Variants in DARS1 observed in about 807,000 individuals in gnomAD.
The protein encoded by DARS1 is aspartyl-tRNA synthetase 1.
Under a neutral mutation model 68.8 loss-of-function variants are expected in DARS1, and 51 were observed. The observed-to-expected ratio is 0.74, with a 90% CI of 0.59 to 0.94. DARS1 has a LOEUF of 0.94. Ranked by LOEUF, DARS1 falls within the 40% of genes least tolerant of loss-of-function variation. The pLI is 0.00. For missense variants in DARS1, 607 were observed against 597.3 expected (o/e 1.02, Z -0.17); for synonymous variants, 203 against 190.4 (o/e 1.07, Z -0.55).
At chr2:135,963,055 C>T (rs1682134609) in intron 3 of DARS1, among the ~76,000 whole-genome samples, 1 of 152,118 alleles carries the variant, frequency 6.6e-6, no homozygotes, top group Non-Finnish European at 1.5e-5. Flanking sequence ...TACACAAAGA[C>T]CCTGGAGAAA....
intron 5 of DARS1, among the ~76,000 whole-genome samples, chr2:135,940,206 A>G (rs1681565319): frequency 6.6e-6 from 1 of 152,218 alleles, no homozygotes; most frequent in Non-Finnish European, 1.5e-5. Flanking sequence ...ACATAACAAA[A>G]AAAAGAGAAT....
chr2:135,913,673 G>T (rs376658208), intron 12 of DARS1, among the ~76,000 whole-genome samples: 1 of 151,868 alleles, frequency 6.6e-6, no homozygotes, highest in Non-Finnish European at 1.5e-5. Flanking sequence ...CAGGAGAATC[G>T]CTTGAACCCA....
At chr2:135,927,176 C>T (rs1246232023) in intron 7 of DARS1, among the ~76,000 whole-genome samples, 2 of 151,970 alleles carry the variant, frequency 1.3e-5, no homozygotes, top group African/African-American at 2.4e-5. Flanking sequence ...AAGAATTTGA[C>T]GGTTAAGGTA....
chr2:135,983,341 G>T, intron 2 of DARS1, 56 bp downstream of exon 2: 1 of 788,350 alleles, frequency 1.3e-6, no homozygotes, highest in South Asian at 1.5e-5. Context: ...TTCATTTAGA[G>T]CTTTCCTGGA....
At chr2:135,911,664 C>G in intron 13 of DARS1, 171 bp from the exon 14 acceptor site, 1 of 521,556 alleles carries the variant, frequency 1.9e-6, no homozygotes, top group Non-Finnish European at 3.4e-6. Flanking sequence ...ATAACTTTTT[C>G]TTTGTTTATA....
chr2:135,941,771 G>A (rs1681603045), intron 5 of DARS1, among the ~76,000 whole-genome samples: 1 of 152,016 alleles, frequency 6.6e-6, no homozygotes, highest in African/African-American at 2.4e-5. Context: ...CTGACAAAGG[G>A]CTAATATTCA....
intron 15 of DARS1, among the ~76,000 whole-genome samples, chr2:135,909,107 G>A (rs536380491): frequency 2.2e-4 from 32 of 144,664 alleles, no homozygotes; most frequent in African/African-American, 7.5e-4. Flanking sequence ...CACAGGGAGG[G>A]GAACAATACA....
chr2:135,914,208 G>T (rs1254606499), intron 12 of DARS1, among the ~76,000 whole-genome samples: 5 of 152,092 alleles, frequency 3.3e-5, no homozygotes, highest in Non-Finnish European at 5.9e-5. Flanking sequence ...TCCGACATAG[G>T]TATCACTTTT....
chr2:135,933,885 A>C (rs1331769210), intron 6 of DARS1, 25 bp downstream of exon 6: 1 of 1,605,918 alleles, frequency 6.2e-7, no homozygotes, highest in African/African-American at 1.3e-5. Flanking sequence ...GCGGAAGCAT[A>C]ATATTTCATA....
chr2:135,924,138 T>C (rs1015654308), intron 8 of DARS1, among the ~76,000 whole-genome samples: 1 of 152,232 alleles, frequency 6.6e-6, no homozygotes, highest in African/African-American at 2.4e-5. Flanking sequence ...ACAAGAATCT[T>C]GCTTTGTGTG....
At position 135,979,369 on chromosome 2, in the gene DARS1, G is replaced by C. The variant is rs750451892; in HGVS notation, c.125-3C>G. The C allele has an allele frequency of 1.7e-6, 2 of 1,147,622 alleles. No homozygotes were observed. 71.1% of individuals were successfully genotyped at this position (1,147,622 alleles called of 1,614,324 possible). ...TCTAACCCGAACCAAAACTCGATCT[G>C]TAATAACAGTAAACGATTTTTATAT... is the stretch of plus-strand genomic sequence containing the variant. On this transcript the variant is annotated splice_polypyrimidine_tract_variant and splice_region_variant and intron_variant, in intron 2 of 15. Transcript: ENST00000264161.
At chr2:135,935,389 G>T (rs1309624430) in intron 5 of DARS1, among the ~76,000 whole-genome samples, 1 of 151,750 alleles carries the variant, frequency 6.6e-6, no homozygotes, top group African/African-American at 2.4e-5. Context: ...GAGGTCAGGA[G>T]ATCGAGACCA....
At chr2:135,929,298 GCC>G (rs1194833378) in intron 7 of DARS1, among the ~76,000 whole-genome samples, 1 of 152,116 alleles carries the variant, frequency 6.6e-6, no homozygotes, top group Non-Finnish European at 1.5e-5. Context: ...TCTCATGGCA[GCC>G]CCGAGTCCCC....
chr2:135,955,718 G>A (rs559374981), intron 4 of DARS1, among the ~76,000 whole-genome samples: 4 of 112,290 alleles, frequency 3.6e-5, no homozygotes, highest in African/African-American at 1.1e-4. Context: ...ACAGGGTCTC[G>A]CTCTGTCACA....
intron 5 of DARS1, among the ~76,000 whole-genome samples, chr2:135,938,457 G>A (rs1246678324): frequency 3.3e-5 from 5 of 152,098 alleles, no homozygotes; most frequent in Admixed American, 6.6e-5. Flanking sequence ...GCTCAGAGAA[G>A]TTTATTATCT....
chr2:135,943,562 A>G, intron 4 of DARS1, 82 bp from the exon 5 acceptor site: 3 of 1,545,794 alleles, frequency 1.9e-6, no homozygotes, highest in Non-Finnish European at 2.6e-6. Context: ...GTAAAGCTGA[A>G]TATGTTAAAC....
intron 3 of DARS1, among the ~76,000 whole-genome samples, chr2:135,978,142 C>CA (rs59505882): frequency 0.086 from 4,661 of 54,490 alleles, 373 homozygotes; most frequent in Middle Eastern, 0.19. Flanking sequence ...GACTCTGTCT[C>CA]AAAAAAAAAA....
intron 4 of DARS1, among the ~76,000 whole-genome samples, chr2:135,958,269 G>A (rs948942974): frequency 5.3e-5 from 8 of 152,186 alleles, no homozygotes; most frequent in African/African-American, 1.9e-4. Flanking sequence ...ACTGGAACTA[G>A]AAATAGAAAC....
In DARS1 at chr2:135,906,826, CATG is replaced by C. The variant is rs1271265535; in HGVS notation, c.*487_*489del. Reference sequence around the variant, plus strand: ...AACTGATACTTTCTGGTTAATTTTCCATGATATGCCAATTATACATTCATTAAA... The same window carrying C: ...AACTGATACTTTCTGGTTAATTTTCCATATGCCAATTATACATTCATTAAA... On this transcript the variant is annotated 3_prime_UTR_variant, in exon 16 of 16. Transcript: ENST00000264161. The C allele has an allele frequency of 1.3e-5, 2 of 152,364 alleles. No homozygotes were observed. The highest frequency in any genetic ancestry group is 4.8e-5 in the African/African-American group (2 of 41,428). 9.4% of individuals were successfully genotyped at this position (152,364 alleles called of 1,614,324 possible). A position where few individuals can be genotyped will look rare whatever the true frequency, so the allele number is the denominator to read the frequency against.
Sources: allele counts gnomAD v4.1 joint callset (sites outside exome capture counted in the v4.1 genomes callset), GRCh38; gene constraint gnomAD v4.1.1; transcripts MANE v1.5; gene names NCBI Gene and HGNC (gene_info 2026-07-23, HGNC 2026-07-21).